Variants in SLCO3A1 observed in about 807,000 individuals in gnomAD.
SLCO3A1 encodes the protein PGE1 transporter.
In SLCO3A1, 27 loss-of-function variants were observed where a neutral mutation model predicts 63.1. The ratio of observed to expected loss-of-function variants is 0.43; its 90% CI spans 0.32 to 0.59. SLCO3A1 has a LOEUF of 0.59. Among genes scored for constraint, SLCO3A1 ranks in the 20% least tolerant of loss-of-function variants. The pLI, the probability that SLCO3A1 is intolerant of heterozygous loss-of-function variation, is 0.09. For missense variants in SLCO3A1, 773 were observed against 945.8 expected (o/e 0.82, Z 2.40); for synonymous variants, 473 against 409.9 (o/e 1.15, Z -1.86).
At chr15:92,106,882 C>CT (rs1567123741) in intron 4 of SLCO3A1, among the ~76,000 whole-genome samples, 1 of 152,214 alleles carries the variant, frequency 6.6e-6, no homozygotes, top group African/African-American at 2.4e-5. Context: ...TTGAGCCCTG[C>CT]TATGGCTTAA....
intron 2 of SLCO3A1, among the ~76,000 whole-genome samples, chr15:92,052,643 C>G (rs1250742711): frequency 2.0e-5 from 3 of 152,166 alleles, no homozygotes; most frequent in Admixed American, 1.3e-4. Flanking sequence ...TGCAGCCTGG[C>G]TCCATGTAAT....
chr15:91,964,298 T>G (rs927755365), intron 2 of SLCO3A1, among the ~76,000 whole-genome samples: 1 of 151,750 alleles, frequency 6.6e-6, no homozygotes, highest in African/African-American at 2.4e-5. Context: ...CATCTGTAAT[T>G]TTTTTTTGTT....
At chr15:91,966,267 A>G (rs1900658451) in intron 2 of SLCO3A1, among the ~76,000 whole-genome samples, 2 of 152,208 alleles carry the variant, frequency 1.3e-5, no homozygotes, top group Admixed American at 6.5e-5. Context: ...TTTGGGACGC[A>G]GAGAAAAGAG....
intron 1 of SLCO3A1, among the ~76,000 whole-genome samples, chr15:91,864,934 G>T (rs1022503554): frequency 6.6e-6 from 1 of 152,220 alleles, no homozygotes; most frequent in Non-Finnish European, 1.5e-5. Context: ...GTCCCTGACA[G>T]GATGTCACAG....
chr15:92,143,120 T>C (rs988638995), intron 7 of SLCO3A1, among the ~76,000 whole-genome samples: 2 of 150,586 alleles, frequency 1.3e-5, no homozygotes. Context: ...GAGGGATTCC[T>C]GGGGTACTTA....
chr15:92,082,105 G>T (rs1026394559), intron 2 of SLCO3A1, among the ~76,000 whole-genome samples: 1 of 152,162 alleles, frequency 6.6e-6, no homozygotes, highest in African/African-American at 2.4e-5. Flanking sequence ...CCTCCTCACC[G>T]TCTCCTTCCC....
At chr15:91,983,933 A>G (rs1280386617) in intron 2 of SLCO3A1, among the ~76,000 whole-genome samples, 4 of 152,182 alleles carry the variant, frequency 2.6e-5, no homozygotes, top group African/African-American at 7.2e-5. Flanking sequence ...GAATCCGTCT[A>G]TGGTAACTAG....
intron 2 of SLCO3A1, among the ~76,000 whole-genome samples, chr15:91,970,911 G>T (rs2151428573): frequency 6.6e-6 from 1 of 152,228 alleles, no homozygotes; most frequent in Admixed American, 6.5e-5. Flanking sequence ...GTGCATGTGT[G>T]CAAATCCTTA....
chr15:92,163,906 C>G lies in SLCO3A1; in HGVS notation c.*771C>G. On this transcript the variant is annotated 3_prime_UTR_variant, in exon 10 of 10. Transcript: ENST00000318445. ...CCAGTGGCGGGCATCCACCTTCCCC[C>G]AGCCCCACAGAGTGACCTCAGGAAG... is the stretch of plus-strand genomic sequence containing the variant. 1 of 985,630 alleles carries G rather than the reference C, an allele frequency of 1.0e-6. No homozygotes were observed. The highest frequency in any genetic ancestry group is 1.2e-6 in the Non-Finnish European group (1 of 830,062). The allele number at this position is 985,630 out of a possible 1,614,324, so 61.1% of individuals were successfully genotyped here.
Position 91,916,290 on chromosome 15 carries a change from G to T in SLCO3A1, c.478G>T (p.Gly160Trp), listed in dbSNP as rs1187886551. The T allele has an allele frequency of 6.4e-7, 1 of 1,557,536 alleles. No individual in the cohort carries two copies. Among genetic ancestry groups the T allele is most frequent in the African/African-American group, 1.4e-5 (1 of 73,352 alleles). Residue 160 changes from glycine to tryptophan, a missense_variant, in exon 2 of 10, where the codon GGG (glycine) becomes TGG (tryptophan). Physicochemically the swap from Gly to Trp is radical, Grantham distance 184. Coordinates refer to ENST00000318445, the MANE Select transcript of SLCO3A1 (RefSeq NM_013272.4). The surrounding 1 kb of genome is among the most constrained non-coding windows in gnomAD (Gnocchi z 6.2). ...CAANGSGGDE[G>W]PDPDLICRNR... ...AGCCAACGGCTCGGGCGGCGACGAG[G>T]GGCCCGACCCCGACCTCATCTGCCG...
At chr15:92,010,570 T>C (rs1203528028) in intron 2 of SLCO3A1, among the ~76,000 whole-genome samples, 3 of 152,214 alleles carry the variant, frequency 2.0e-5, no homozygotes, top group Non-Finnish European at 4.4e-5. Context: ...ATTAGACTTC[T>C]GTGTAGGCAT....
intron 2 of SLCO3A1, among the ~76,000 whole-genome samples, chr15:92,037,969 A>T (rs2046748662): frequency 6.6e-6 from 1 of 152,232 alleles, no homozygotes; most frequent in African/African-American, 2.4e-5. Flanking sequence ...TGAGAAGAGC[A>T]GTTAATCTCA....
intron 2 of SLCO3A1, among the ~76,000 whole-genome samples, chr15:92,047,593 AATATAT>A (rs1466569806): frequency 3.4e-3 from 21 of 6,252 alleles, no homozygotes; most frequent in Admixed American, 0.011. Flanking sequence ...ATATATATAT[AATATAT>A]AATATATATA....
intron 2 of SLCO3A1, among the ~76,000 whole-genome samples, chr15:92,059,173 C>G (rs1378682243): frequency 6.6e-6 from 1 of 152,166 alleles, no homozygotes; most frequent in East Asian, 1.9e-4. Flanking sequence ...CCTCTCTTAC[C>G]AAGTAGATCA....
chr15:92,116,349 C>G (rs945870360), intron 4 of SLCO3A1, among the ~76,000 whole-genome samples: 1 of 152,180 alleles, frequency 6.6e-6, no homozygotes, highest in Non-Finnish European at 1.5e-5. Flanking sequence ...AGTAGAAAAC[C>G]TGTTTTCCCT....
At chr15:92,000,641 C>T (rs984132832) in intron 2 of SLCO3A1, among the ~76,000 whole-genome samples, 2 of 152,168 alleles carry the variant, frequency 1.3e-5, no homozygotes, top group Non-Finnish European at 2.9e-5. Flanking sequence ...GTCAGTTATA[C>T]TAATTTAATT....
intron 2 of SLCO3A1, among the ~76,000 whole-genome samples, chr15:92,039,143 G>A (rs984931390): frequency 1.3e-5 from 2 of 152,238 alleles, no homozygotes; most frequent in East Asian, 1.9e-4. Flanking sequence ...GAAAACCTAG[G>A]CAATACAATT....
intron 2 of SLCO3A1, among the ~76,000 whole-genome samples, chr15:92,062,723 C>A (rs1567097594): frequency 6.6e-6 from 1 of 152,150 alleles, no homozygotes; most frequent in African/African-American, 2.4e-5. Flanking sequence ...AGGTCACTCT[C>A]TCGGGCTCCG....
intron 2 of SLCO3A1, among the ~76,000 whole-genome samples, chr15:91,970,409 C>T (rs993742270): frequency 1.2e-4 from 19 of 152,134 alleles, no homozygotes; most frequent in South Asian, 8.3e-4. Context: ...TTGCTGGAGC[C>T]GCTGATGGGA....
Sources: allele counts gnomAD v4.1 joint callset (sites outside exome capture counted in the v4.1 genomes callset), GRCh38; gene constraint gnomAD v4.1.1; non-coding constraint Gnocchi (gnomAD v3.1); transcripts MANE v1.5; gene names NCBI Gene and HGNC (gene_info 2026-07-23, HGNC 2026-07-21).